TTC39C: variants seen among roughly 807,000 people sequenced by gnomAD.
TTC39C encodes the protein tetratricopeptide repeat protein 39C.
Under a neutral mutation model 76.3 loss-of-function variants are expected in TTC39C, and 33 were observed. The observed-to-expected ratio is 0.43, with a 90% CI of 0.33 to 0.58. TTC39C has a LOEUF of 0.58. Ranked by LOEUF, TTC39C falls within the 20% of genes least tolerant of loss-of-function variation. The pLI is 0.04. For synonymous variants in TTC39C, 254 were observed against 260.6 expected (o/e 0.97, Z 0.24); for missense variants, 595 against 701.4 (o/e 0.85, Z 1.71).
chr18:24,009,869 G>C (rs927274200), upstream of TTC39C, among the ~76,000 whole-genome samples: 1 of 152,254 alleles, frequency 6.6e-6, no homozygotes, highest in Non-Finnish European at 1.5e-5. Flanking sequence ...CCCAAAGGGG[G>C]ATGGTTTCCT....
intron 1 of TTC39C, among the ~76,000 whole-genome samples, chr18:24,022,070 G>A (rs1274517214): frequency 6.6e-6 from 1 of 152,136 alleles, no homozygotes; most frequent in Admixed American, 6.5e-5. Context: ...GTACGTCAAT[G>A]TAAACACATA....
chr18:23,999,921 C>T (rs1404573394), intron 1 of TTC39C, among the ~76,000 whole-genome samples: 2 of 152,184 alleles, frequency 1.3e-5, no homozygotes, highest in Non-Finnish European at 2.9e-5. Flanking sequence ...ACTTTAGCTT[C>T]CTTAAACCAA....
At chr18:24,120,036 C>T (rs899039272) in intron 8 of TTC39C, among the ~76,000 whole-genome samples, 4 of 150,224 alleles carry the variant, frequency 2.7e-5, no homozygotes, top group African/African-American at 9.7e-5. Context: ...AGATTCTGAT[C>T]TCTGTTCCTG....
chr18:24,107,059 T>C (rs1051243176), intron 6 of TTC39C, among the ~76,000 whole-genome samples: 3 of 152,194 alleles, frequency 2.0e-5, no homozygotes, highest in African/African-American at 7.2e-5. Flanking sequence ...TTCTATTCTT[T>C]TCGCAACTCT....
At chr18:24,101,841 C>T (rs990846408) in intron 6 of TTC39C, among the ~76,000 whole-genome samples, 4 of 152,122 alleles carry the variant, frequency 2.6e-5, no homozygotes, top group African/African-American at 9.7e-5. Context: ...TTATCTTCTT[C>T]GCTGTTATTT....
chr18:24,009,147 T>G (rs2083377305), intron 1 of TTC39C, among the ~76,000 whole-genome samples: 1 of 152,188 alleles, frequency 6.6e-6, no homozygotes, highest in African/African-American at 2.4e-5. Context: ...AACAAACCCC[T>G]GTGACATGAG....
intron 12 of TTC39C, among the ~76,000 whole-genome samples, chr18:24,130,815 T>C: frequency 6.6e-6 from 1 of 151,908 alleles, no homozygotes; most frequent in East Asian, 1.9e-4. Flanking sequence ...TTGAATACTG[T>C]AGGCAACCGT....
At chr18:24,076,584 CAG>C (rs2084310692) in intron 4 of TTC39C, among the ~76,000 whole-genome samples, 1 of 151,942 alleles carries the variant, frequency 6.6e-6, no homozygotes, top group Non-Finnish European at 1.5e-5. Context: ...TTTTGCTTTA[CAG>C]AGTGTGGGAT....
intron 3 of TTC39C, 131 bp downstream of exon 3, chr18:24,066,271 A>G (rs1239021294): frequency 3.2e-5 from 39 of 1,232,744 alleles, no homozygotes; most frequent in Non-Finnish European, 4.1e-5. Context: ...AATGTTTCTT[A>G]TGGTTTTTGG....
chr18:24,093,645 A>G (rs2145779367), intron 6 of TTC39C, among the ~76,000 whole-genome samples: 1 of 152,340 alleles, frequency 6.6e-6, no homozygotes, highest in African/African-American at 2.4e-5. Flanking sequence ...CCACTGCACT[A>G]AAGCAAATAT....
At chr18:24,078,697 G>A (rs951596224) in intron 4 of TTC39C, among the ~76,000 whole-genome samples, 1 of 152,116 alleles carries the variant, frequency 6.6e-6, no homozygotes. Flanking sequence ...AATCTCATTA[G>A]AGACTTAATG....
chr18:24,036,959 T>A (rs1363128673), intron 1 of TTC39C, among the ~76,000 whole-genome samples: 1 of 152,180 alleles, frequency 6.6e-6, no homozygotes. Context: ...ACATCTAAGA[T>A]CATGTCATCT....
chr18:24,072,908 G>T (rs913240328), intron 4 of TTC39C, among the ~76,000 whole-genome samples: 2 of 152,220 alleles, frequency 1.3e-5, no homozygotes, highest in African/African-American at 4.8e-5. Flanking sequence ...AGATGAGATT[G>T]TTTTCCTTAC....
At chr18:24,102,831 G>A (rs553309821) in intron 6 of TTC39C, among the ~76,000 whole-genome samples, 6 of 152,342 alleles carry the variant, frequency 3.9e-5, no homozygotes, top group South Asian at 2.1e-4. Context: ...TACCTAGGCC[G>A]GTGTGCTGGC....
chr18:24,022,483 C>A, intron 1 of TTC39C: 1 of 876,758 alleles, frequency 1.1e-6, no homozygotes, highest in Non-Finnish European at 1.4e-6. Flanking sequence ...GGGGTTGAAA[C>A]TGGGCTGCAT....
intron 1 of TTC39C, chr18:23,994,063 T>C (rs2083240495): frequency 6.6e-6 from 1 of 152,136 alleles, no homozygotes; most frequent in Non-Finnish European, 1.5e-5. Flanking sequence ...CACATGAATC[T>C]CTGAAAAGAT....
intron 1 of TTC39C, among the ~76,000 whole-genome samples, chr18:24,049,806 A>G (rs2083926587): frequency 6.6e-6 from 1 of 152,264 alleles, no homozygotes; most frequent in African/African-American, 2.4e-5. Context: ...CTGGAAAGGA[A>G]ATAAATGGAA....
chr18:24,098,411 TCC>T (rs2084620000), intron 6 of TTC39C, among the ~76,000 whole-genome samples: 2 of 82,456 alleles, frequency 2.4e-5, no homozygotes, highest in African/African-American at 9.1e-5. Context: ...CCTCCCTCCC[TCC>T]CTCCTTCCTT....
intron 4 of TTC39C, among the ~76,000 whole-genome samples, chr18:24,070,717 G>A (rs1267086586): frequency 6.6e-6 from 1 of 151,690 alleles, no homozygotes; most frequent in Non-Finnish European, 1.5e-5. Context: ...GGTGGTGGTC[G>A]CTGTAATCCC....
Sources: gnomAD v4.1 joint callset for allele counts (sites outside exome capture counted in the v4.1 genomes callset) on GRCh38, gnomAD v4.1.1 for gene constraint, MANE v1.5 for transcripts, NCBI Gene and HGNC (gene_info 2026-07-23, HGNC 2026-07-21) for gene names.